PDXDC1: variants seen among roughly 807,000 people sequenced by gnomAD.
PDXDC1 encodes pyridoxal-dependent decarboxylase domain-containing protein 1.
PDXDC1 carries 42 observed loss-of-function variants against 100.1 expected under a neutral mutation model. The observed-to-expected ratio is 0.42, with a 90% CI of 0.33 to 0.54. PDXDC1 has a LOEUF of 0.54. Among genes scored for constraint, PDXDC1 ranks in the 20% least tolerant of loss-of-function variants. The probability of loss-of-function intolerance (pLI) is 0.10; values close to 1 mark genes in which losing one functional copy is unlikely to be tolerated. For missense variants in PDXDC1, 636 were observed against 979.2 expected, an observed-to-expected ratio of 0.65 and a Z score of 4.68; for synonymous variants, 260 against 371.7, an observed-to-expected ratio of 0.70 and a Z score of 3.46.
At chr16:15,125,234 G>C in intron 16 of PDXDC1, 1 of 573,166 alleles carries the variant, frequency 1.7e-6, no homozygotes, top group South Asian at 2.0e-5. Context: ...AGTAAGTGGG[G>C]GTTGTGCCGC....
intron 16 of PDXDC1, chr16:15,060,166 C>T (rs1412915391): frequency 1.4e-5 from 6 of 424,476 alleles, no homozygotes; most frequent in African/African-American, 1.0e-4. Context: ...TGTCTTTCTA[C>T]ATTAAAACTA....
intron 16 of PDXDC1, chr16:15,125,462 A>C: frequency 1.1e-6 from 1 of 897,932 alleles, no homozygotes; most frequent in Non-Finnish European, 1.9e-6. Context: ...AGCCACAGAC[A>C]CCCAGCAAGG....
intron 16 of PDXDC1, chr16:15,135,588 C>T (rs2048310488): frequency 2.2e-6 from 3 of 1,346,738 alleles, no homozygotes; most frequent in East Asian, 2.3e-5. Flanking sequence ...GCTGGGTGTT[C>T]TCTGGGCTCA....
rs111250844 is a variant in PDXDC1, at chr16:15,061,595, G to C, written c.1399+31539G>C. 1.0e-5 allele frequency: 6 copies of C among 602,786 alleles called. 2 individuals are homozygous for C. Among genetic ancestry groups the C allele is most frequent in the African/African-American group, 9.2e-5 (5 of 54,638 alleles). 37.3% of individuals were successfully genotyped at this position (602,786 alleles called of 1,614,324 possible). On this transcript the variant is annotated intron_variant, in intron 16 of 16. Transcript: ENST00000535621. ...AAAAAAACCCAGTCTTCAGATGCTT[G>C]ATTCAGTCGAACCTGGAAGTGCCAC...
chr16:15,072,863 A>G (rs1417245939), intron 16 of PDXDC1: 1 of 1,315,220 alleles, frequency 7.6e-7, no homozygotes. Flanking sequence ...TATTTACTTC[A>G]TGGTCTCCGT....
intron 14 of PDXDC1, among the ~76,000 whole-genome samples, chr16:15,028,013 C>T (rs1349093230): frequency 6.6e-5 from 10 of 152,404 alleles, no homozygotes; most frequent in African/African-American, 1.7e-4. Context: ...CCAGCACTCC[C>T]GTATCAGTGT....
intron 16 of PDXDC1, among the ~76,000 whole-genome samples, chr16:15,097,217 A>G (rs1290105742): frequency 6.6e-6 from 1 of 151,840 alleles, no homozygotes; most frequent in Non-Finnish European, 1.5e-5. Context: ...GCAGTGAGCT[A>G]TGACTACACC....
chr16:15,136,836 G>T, intron 16 of PDXDC1: 4 of 996,426 alleles, frequency 4.0e-6, no homozygotes, highest in Non-Finnish European at 6.3e-6. Flanking sequence ...GGATGGCCCT[G>T]GGGAGGAAGG....
At chr16:15,137,663 A>C in intron 16 of PDXDC1, 1 of 1,233,894 alleles carries the variant, frequency 8.1e-7, no homozygotes, top group South Asian at 1.3e-5. Flanking sequence ...CCCCCCCCAG[A>C]GAGGCCTTCC....
chr16:15,140,296 T>C (rs1006783769), downstream of PDXDC1, among the ~76,000 whole-genome samples: 2 of 147,180 alleles, frequency 1.4e-5, no homozygotes, highest in African/African-American at 5.0e-5. Context: ...ACTACAGAAT[T>C]AGTTGGGCGT....
chr16:15,053,635 G>T (rs1418389418), intron 16 of PDXDC1, among the ~76,000 whole-genome samples: 2 of 152,082 alleles, frequency 1.3e-5, no homozygotes, highest in African/African-American at 4.8e-5. Context: ...TCCAGGCCAG[G>T]TGGAGTGGCT....
At chr16:15,063,289 A>G (rs1298213051) in intron 16 of PDXDC1, 1 of 1,602,902 alleles carries the variant, frequency 6.2e-7, no homozygotes. Context: ...TTGACCTGTC[A>G]ACAAAGATCA....
chr16:15,037,333 C>G lies in PDXDC1; in HGVS notation c.*1058C>G, dbSNP rs1344262130. The G allele has an allele frequency of 6.6e-6, 1 of 152,240 alleles. No homozygotes were observed. The highest frequency in any genetic ancestry group is 6.5e-5 in the Admixed American group (1 of 15,286). 9.4% of individuals were successfully genotyped at this position (152,240 alleles called of 1,614,324 possible). Reference sequence around the variant, plus strand: ...CCCTGTGCCTTCTTAATCCAGCAGTCAAGCTTTTGGGAGACCTGAAAATGG... The same window carrying G: ...CCCTGTGCCTTCTTAATCCAGCAGTGAAGCTTTTGGGAGACCTGAAAATGG... On this transcript the variant is annotated 3_prime_UTR_variant, in exon 23 of 23. Transcript: ENST00000396410.
At chr16:14,995,200 G>A (rs1225326148) in intron 1 of PDXDC1, among the ~76,000 whole-genome samples, 1 of 152,284 alleles carries the variant, frequency 6.6e-6, no homozygotes, top group Non-Finnish European at 1.5e-5. Flanking sequence ...GGTGAGAAGA[G>A]GGCATCCCTG....
At chr16:15,041,753 A>T, downstream of PDXDC1, 1 of 1,035,396 alleles carries the variant, frequency 9.7e-7, no homozygotes, top group Non-Finnish European at 1.5e-6. Context: ...CAAGCCAACG[A>T]CAGGGAGGGA....
At chr16:15,133,742 T>C in intron 16 of PDXDC1, 2 of 1,600,672 alleles carry the variant, frequency 1.2e-6, no homozygotes, top group African/African-American at 1.3e-5. Context: ...GAGGGCTCCG[T>C]GACGTCACAG....
intron 1 of PDXDC1, chr16:14,990,201 GGGCCCGCCGCCCAGCCCACC>G (rs1970438741): frequency 9.1e-7 from 1 of 1,101,760 alleles, no homozygotes; most frequent in African/African-American, 1.7e-5. Context: ...GGCGGCCGCC[GGGCCCGCCGCCCAGCCCACC>G]GGCCCGGCCG....
chr16:15,129,453 C>A (rs536493115), intron 16 of PDXDC1, among the ~76,000 whole-genome samples: 4 of 152,112 alleles, frequency 2.6e-5, no homozygotes, highest in Non-Finnish European at 5.9e-5. Flanking sequence ...AAAAGAAAAA[C>A]GAAAACAAAA....
the PDXDC1 span, among the ~76,000 whole-genome samples, chr16:15,147,753 A>T: frequency 4.6e-5 from 7 of 151,982 alleles, no homozygotes; most frequent in Non-Finnish European, 1.0e-4. Flanking sequence ...CAGTGGTGTG[A>T]TATTGGCTCA....
Sources: allele counts gnomAD v4.1 joint callset (sites outside exome capture counted in the v4.1 genomes callset), GRCh38; gene constraint gnomAD v4.1.1; transcripts MANE v1.5; gene names NCBI Gene and HGNC (gene_info 2026-07-23, HGNC 2026-07-21).